The following HOOK3 variants were observed in gnomAD, a reference collection of about 807,000 sequenced individuals.
HOOK3 encodes the protein hook microtubule tethering protein 3, also known as protein Hook homolog 3.
Under a neutral mutation model 116.3 loss-of-function variants are expected in HOOK3, and 24 were observed. The ratio of observed to expected loss-of-function variants is 0.21; its 90% CI spans 0.15 to 0.29. HOOK3 has a LOEUF of 0.29. Among genes scored for constraint, HOOK3 ranks in the 10% least tolerant of loss-of-function variants. The probability of loss-of-function intolerance (pLI) is 1.00; values close to 1 mark genes in which losing one functional copy is unlikely to be tolerated. For synonymous variants in HOOK3, 275 were observed against 283.0 expected (o/e 0.97, Z 0.28); for missense variants, 632 against 830.2 (o/e 0.76, Z 2.93).
At chr8:42,950,324 A>G in intron 5 of HOOK3, 64 bp from the exon 6 acceptor site, 4 of 1,034,770 alleles carry the variant, frequency 3.9e-6, no homozygotes, top group Non-Finnish European at 6.0e-6. Flanking sequence ...ATGAAGTATG[A>G]GCCTTGATTC....
chr8:42,945,924 T>G (rs2130389405), intron 5 of HOOK3, among the ~76,000 whole-genome samples: 1 of 152,176 alleles, frequency 6.6e-6, no homozygotes, highest in South Asian at 2.1e-4. Flanking sequence ...ATAATATAAT[T>G]AATATCTTTT....
intron 16 of HOOK3, chr8:43,000,899 A>G (rs1009044218): frequency 6.6e-6 from 1 of 152,194 alleles, no homozygotes; most frequent in African/African-American, 2.4e-5. Context: ...AAACATAAGC[A>G]CAGAATTAAA....
intron 4 of HOOK3, among the ~76,000 whole-genome samples, chr8:42,936,284 T>A (rs530392012): frequency 7.0e-4 from 107 of 152,300 alleles, no homozygotes; most frequent in Non-Finnish European, 1.1e-3. Flanking sequence ...TTAAGGAGAT[T>A]TTGGGCTGAG....
At chr8:42,960,517 A>C (rs1396776394) in intron 8 of HOOK3, among the ~76,000 whole-genome samples, 1 of 152,232 alleles carries the variant, frequency 6.6e-6, no homozygotes, top group East Asian at 1.9e-4. Flanking sequence ...ACAGAGAAAC[A>C]CTATTGTAAA....
chr8:42,922,591 A>G (rs1475399982), intron 2 of HOOK3, among the ~76,000 whole-genome samples: 1 of 151,782 alleles, frequency 6.6e-6, no homozygotes, highest in Admixed American at 6.6e-5. Flanking sequence ...TTTGCAAAAT[A>G]TGCCATCAAG....
chr8:42,991,702 A>G (rs1689821567), intron 15 of HOOK3, among the ~76,000 whole-genome samples: 1 of 152,052 alleles, frequency 6.6e-6, no homozygotes, highest in African/African-American at 2.4e-5. Context: ...GCGTCTGGCC[A>G]ACAATATGCC....
intron 13 of HOOK3, among the ~76,000 whole-genome samples, chr8:42,979,549 T>C (rs1206337877): frequency 6.6e-6 from 1 of 152,184 alleles, no homozygotes; most frequent in African/African-American, 2.4e-5. Flanking sequence ...TTCAGTTACC[T>C]GAAACTGGAA....
In HOOK3 at chr8:42,897,126, G is replaced by A. The variant is rs562561846; in HGVS notation, c.-6G>A. 2.8e-5 allele frequency: 35 copies of A among 1,246,006 alleles called. No individual in the cohort carries two copies. In the South Asian group the frequency reaches 1.3e-3, roughly 47 times the overall value. The allele number at this position is 1,246,006 out of a possible 1,614,324, so 77.2% of individuals were successfully genotyped here. ...CGGTAGGCGCTGCCTGGCCGCGGCGGGGAAGATGTTCAGCGTAGAGTCGCT... is the reference window on the plus strand; with the variant it reads ...CGGTAGGCGCTGCCTGGCCGCGGCGAGGAAGATGTTCAGCGTAGAGTCGCT... On this transcript the variant is annotated 5_prime_UTR_variant, in exon 1 of 22. Coordinates refer to ENST00000307602, the MANE Select transcript of HOOK3 (RefSeq NM_032410.4).
chr8:43,030,329 CATTTTA>C lies in HOOK3; in HGVS notation c.*11838_*11843del, dbSNP rs1304078390. The stretch of plus-strand genomic sequence containing the variant: ...GTATTTCCTTTTGATATCATTTACT[CATTTTA>C]ATTTTACGACTGCCAACTTGTTACG... On this transcript the variant is annotated 3_prime_UTR_variant, in exon 22 of 22. Transcript: ENST00000307602. 1 of 184,256 alleles carries C rather than the reference CATTTTA, an allele frequency of 5.4e-6. No individual in the cohort carries two copies. Among genetic ancestry groups the C allele is most frequent in the Non-Finnish European group, 1.2e-5 (1 of 86,908 alleles). The allele number at this position is 184,256 out of a possible 1,614,324, so 11.4% of individuals were successfully genotyped here. A position where few individuals can be genotyped will look rare whatever the true frequency, so the allele number is the denominator to read the frequency against.
intron 14 of HOOK3, among the ~76,000 whole-genome samples, chr8:42,984,355 T>C (rs11992660): frequency 0.048 from 6,914 of 143,694 alleles, 326 homozygotes; most frequent in African/African-American, 0.12. Flanking sequence ...GCAACAAGAG[T>C]GAAACTCCAT....
intron 11 of HOOK3, among the ~76,000 whole-genome samples, chr8:42,971,344 G>T (rs1337030083): frequency 1.3e-5 from 2 of 152,064 alleles, no homozygotes; most frequent in South Asian, 2.1e-4. Flanking sequence ...TCAGCTTATC[G>T]CAACCTCCAC....
intron 19 of HOOK3, among the ~76,000 whole-genome samples, chr8:43,012,569 CAA>C (rs1427672964): frequency 6.6e-6 from 1 of 152,126 alleles, no homozygotes; most frequent in African/African-American, 2.4e-5. Flanking sequence ...ATTTTTACTT[CAA>C]GTTACAACAA....
At chr8:42,942,589 TTTTC>T (rs1169698737) in intron 4 of HOOK3, among the ~76,000 whole-genome samples, 95 of 152,262 alleles carry the variant, frequency 6.2e-4, no homozygotes, top group African/African-American at 2.2e-3. Flanking sequence ...TAAAATTTTA[TTTTC>T]TTTCATTTGC....
At chr8:42,979,188 C>G (rs938228609) in intron 13 of HOOK3, among the ~76,000 whole-genome samples, 2 of 152,182 alleles carry the variant, frequency 1.3e-5, no homozygotes, top group African/African-American at 2.4e-5. Context: ...GGGAGGATCA[C>G]TTGAGCCCAG....
intron 11 of HOOK3, among the ~76,000 whole-genome samples, chr8:42,972,620 C>T (rs1213035591): frequency 3.9e-5 from 6 of 152,124 alleles, no homozygotes; most frequent in Admixed American, 2.6e-4. Flanking sequence ...TGTCTGGTCT[C>T]AAATTTTGGG....
chr8:42,977,134 C>G (rs576322991), intron 13 of HOOK3, among the ~76,000 whole-genome samples: 2 of 152,316 alleles, frequency 1.3e-5, no homozygotes, highest in Admixed American at 1.3e-4. Flanking sequence ...ATATTTATAT[C>G]TCACCTTTCT....
intron 2 of HOOK3, among the ~76,000 whole-genome samples, chr8:42,919,187 C>G (rs574074159): frequency 1.4e-5 from 2 of 144,932 alleles, no homozygotes; most frequent in Non-Finnish European, 3.0e-5. Context: ...ACTTCACAGA[C>G]GGGCGGCTGC....
At chr8:42,987,728 T>C (rs1360116556) in intron 15 of HOOK3, among the ~76,000 whole-genome samples, 2 of 152,198 alleles carry the variant, frequency 1.3e-5, no homozygotes, top group African/African-American at 2.4e-5. Context: ...TTAAAATCAG[T>C]GATTTACTCT....
At chr8:42,907,568 C>T (rs761689197) in intron 2 of HOOK3, among the ~76,000 whole-genome samples, 1 of 152,016 alleles carries the variant, frequency 6.6e-6, no homozygotes, top group African/African-American at 2.4e-5. Flanking sequence ...TTGTCTAGAA[C>T]GTTTCACTCT....
Sources: gnomAD v4.1 joint callset for allele counts (sites outside exome capture counted in the v4.1 genomes callset) on GRCh38, gnomAD v4.1.1 for gene constraint, MANE v1.5 for transcripts, NCBI Gene and HGNC (gene_info 2026-07-23, HGNC 2026-07-21) for gene names.